The following GREB1L variants were observed in gnomAD, a reference collection of about 807,000 sequenced individuals.
The protein encoded by GREB1L is GREB1 like retinoic acid receptor coactivator, also known as GREB1-like protein.
In GREB1L, 17 loss-of-function variants were observed where a neutral mutation model predicts 200.8. The observed-to-expected ratio is 0.08, with a 90% CI of 0.06 to 0.13. The LOEUF (loss-of-function observed/expected upper bound fraction) is 0.13. GREB1L is among the 10% of genes least tolerant of loss of function. The pLI, the probability that GREB1L is intolerant of heterozygous loss-of-function variation, is 1.00. For missense variants in GREB1L, 1,657 were observed against 2,367.7 expected (o/e 0.70, Z 6.23); for synonymous variants, 789 against 893.0 (o/e 0.88, Z 2.08).
chr18:21,310,998 C>T (rs1042936477), intron 1 of GREB1L, among the ~76,000 whole-genome samples: 1 of 152,050 alleles, frequency 6.6e-6, no homozygotes, highest in African/African-American at 2.4e-5. Flanking sequence ...TATCACCAAA[C>T]TTTGAGAAAA....
intron 19 of GREB1L, among the ~76,000 whole-genome samples, chr18:21,493,442 G>A (rs1290298892): frequency 6.6e-6 from 1 of 152,164 alleles, no homozygotes; most frequent in African/African-American, 2.4e-5. Context: ...GGGCCTGATT[G>A]ATGCACAGGA....
At chr18:21,489,687 T>C (rs2036255239) in intron 18 of GREB1L, among the ~76,000 whole-genome samples, 1 of 152,066 alleles carries the variant, frequency 6.6e-6, no homozygotes, top group Non-Finnish European at 1.5e-5. Context: ...AGGTCTGGGG[T>C]GGGGAGATTG....
intron 2 of GREB1L, among the ~76,000 whole-genome samples, chr18:21,375,066 T>C (rs1432661651): frequency 2.2e-5 from 3 of 134,510 alleles, no homozygotes; most frequent in African/African-American, 1.1e-4. Flanking sequence ...TGTTTTTTGT[T>C]TTTGTTTTTT....
chr18:21,290,193 G>A (rs969349899), intron 1 of GREB1L, among the ~76,000 whole-genome samples: 9 of 152,090 alleles, frequency 5.9e-5, no homozygotes, highest in South Asian at 2.1e-4. Flanking sequence ...ACTACCGAAC[G>A]GATCATTTTA....
intron 23 of GREB1L, 133 bp from the exon 24 acceptor site, chr18:21,505,279 A>T: frequency 1.3e-6 from 1 of 748,108 alleles, no homozygotes; most frequent in South Asian, 1.8e-5. Flanking sequence ...CTCTACTGGG[A>T]CAGGGGAGCT....
chr18:21,491,005 C>T (rs1049574984), intron 19 of GREB1L, among the ~76,000 whole-genome samples: 7 of 152,146 alleles, frequency 4.6e-5, no homozygotes, highest in Non-Finnish European at 1.0e-4. Flanking sequence ...TGATTGACTG[C>T]TTCTCCCCTT....
At chr18:21,395,258 G>T (rs2041005873) in intron 4 of GREB1L, 127 bp from the exon 5 acceptor site, 1 of 704,030 alleles carries the variant, frequency 1.4e-6, no homozygotes, top group Admixed American at 2.7e-5. Context: ...GAGTATAGGG[G>T]TATAGGGACT....
rs1184143275 is a variant in GREB1L at position 21,524,408 on chromosome 18, C to G, written c.*1587C>G. On this transcript the variant is annotated 3_prime_UTR_variant, in exon 33 of 33. Coordinates refer to ENST00000424526, the MANE Select transcript of GREB1L (RefSeq NM_001142966.3). ...TCCTTTTAACCCCATTTTTAATTGT[C>G]CTTCAAAGAGGACCTGCCTTATATA... is the stretch of plus-strand genomic sequence containing the variant. 1 of 152,130 alleles carries G rather than the reference C, an allele frequency of 6.6e-6. No individual in the cohort carries two copies. The highest frequency in any genetic ancestry group is 1.5e-5 in the Non-Finnish European group (1 of 68,014). 9.4% of individuals were successfully genotyped at this position (152,130 alleles called of 1,614,324 possible).
In GREB1L at chr18:21,245,874, C is replaced by T. The variant is rs558055581; in HGVS notation, c.-120+3481C>T. Among the ~76,000 whole-genome samples, 438 of 152,156 alleles carry T rather than the reference C, an allele frequency of 2.9e-3. 2 individuals are homozygous for T. In the South Asian group the frequency reaches 0.036, roughly 13 times the overall value. On this transcript the variant is annotated intron_variant, in intron 1 of 32. Coordinates refer to ENST00000424526, the MANE Select transcript of GREB1L (RefSeq NM_001142966.3). ...CTGTGACTACAGGCGCCTGCCACCA[C>T]GCCTGGCTAATTTTTTGTATTTTTA...
intron 1 of GREB1L, among the ~76,000 whole-genome samples, chr18:21,358,016 T>C (rs2143479056): frequency 6.6e-6 from 1 of 152,310 alleles, no homozygotes; most frequent in African/African-American, 2.4e-5. Context: ...GGAATTTTGA[T>C]AGGAATTGCA....
At chr18:21,495,124 A>G (rs1164943864) in intron 19 of GREB1L, among the ~76,000 whole-genome samples, 1 of 152,176 alleles carries the variant, frequency 6.6e-6, no homozygotes, top group African/African-American at 2.4e-5. Flanking sequence ...TAAGCCAATA[A>G]TTGCTTGTTA....
chr18:21,455,309 A>C (rs935556670), intron 15 of GREB1L, among the ~76,000 whole-genome samples: 10 of 94,454 alleles, frequency 1.1e-4, no homozygotes, highest in African/African-American at 4.0e-4. Flanking sequence ...TGATTACCTT[A>C]GCTGAGGAAA....
At chr18:21,310,293 A>T (rs2038770600) in intron 1 of GREB1L, among the ~76,000 whole-genome samples, 1 of 152,202 alleles carries the variant, frequency 6.6e-6, no homozygotes, top group Non-Finnish European at 1.5e-5. Flanking sequence ...TCAAGAAGCC[A>T]TGAGACTCAT....
intron 1 of GREB1L, among the ~76,000 whole-genome samples, chr18:21,271,328 T>A (rs1228757301): frequency 1.3e-5 from 2 of 152,064 alleles, no homozygotes; most frequent in East Asian, 3.9e-4. Flanking sequence ...ATTTATGGCA[T>A]TAGTGTATTG....
At position 21,439,534 on chromosome 18, in the gene GREB1L, A is replaced by C. The variant is rs2033773468; in HGVS notation, c.846A>C (p.Gly282=). 6.5e-7 allele frequency: 1 copy of C among 1,544,148 alleles called. No individual in the cohort carries two copies. Among genetic ancestry groups the C allele is most frequent in the South Asian group, 1.2e-5 (1 of 83,894 alleles). Residue 282 remains glycine, a synonymous_variant, in exon 8 of 33, where the codon GGA becomes GGC. Transcript: ENST00000424526. ...SGFTQTDAAN[G]NSSHGGKGSA... Reference sequence around the variant, plus strand: ...TGTGTTCTACAGATGCTGCTAATGGAAACAGTAGCCATGGAGGGAAGGGCA... The same window carrying C: ...TGTGTTCTACAGATGCTGCTAATGGCAACAGTAGCCATGGAGGGAAGGGCA...
At chr18:21,391,248 CT>C (rs2040791222) in intron 4 of GREB1L, among the ~76,000 whole-genome samples, 1 of 152,136 alleles carries the variant, frequency 6.6e-6, no homozygotes, top group South Asian at 2.1e-4. Flanking sequence ...TTCACTGTGC[CT>C]TTTCTGTGTT....
chr18:21,373,942 T>G (rs1330758405), intron 2 of GREB1L, among the ~76,000 whole-genome samples: 5 of 152,190 alleles, frequency 3.3e-5, no homozygotes, highest in Admixed American at 3.3e-4. Context: ...TTGGTTTCTC[T>G]AATCTTTAGC....
chr18:21,366,205 A>C (rs1193771555), intron 2 of GREB1L, 69 bp downstream of exon 2: 2 of 152,164 alleles, frequency 1.3e-5, no homozygotes, highest in East Asian at 3.8e-4. Context: ...AGTTGTATTT[A>C]GAATTCAAAT....
At chr18:21,419,269 A>G (rs2031936435) in intron 7 of GREB1L, among the ~76,000 whole-genome samples, 1 of 152,236 alleles carries the variant, frequency 6.6e-6, no homozygotes, top group Non-Finnish European at 1.5e-5. Flanking sequence ...AAACATAACT[A>G]TAAAATTGTC....
Sources: gnomAD v4.1 joint callset for allele counts (sites outside exome capture counted in the v4.1 genomes callset) on GRCh38, gnomAD v4.1.1 for gene constraint, MANE v1.5 for transcripts, NCBI Gene and HGNC (gene_info 2026-07-23, HGNC 2026-07-21) for gene names.